The following ABTB2 variants were observed in gnomAD, a reference collection of about 807,000 sequenced individuals.
ABTB2 encodes ankyrin repeat and BTB domain containing 2.
Under a neutral mutation model 104.1 loss-of-function variants are expected in ABTB2, and 56 were observed. The observed-to-expected ratio is 0.54, with a 90% CI of 0.43 to 0.67. The LOEUF is 0.67. ABTB2 is among the 30% of genes least tolerant of loss of function. The pLI is 0.00. For missense variants in ABTB2, 1,279 were observed against 1,407.7 expected, an observed-to-expected ratio of 0.91 and a Z score of 1.46; for synonymous variants, 606 against 608.2, an observed-to-expected ratio of 1.00 and a Z score of 0.05.
At chr11:34,179,140 T>C (rs1428902499) in intron 3 of ABTB2, among the ~76,000 whole-genome samples, 1 of 151,918 alleles carries the variant, frequency 6.6e-6, no homozygotes, top group Non-Finnish European at 1.5e-5. Context: ...ATGTGTGTTA[T>C]TCTACGGATA....
intron 5 of ABTB2, among the ~76,000 whole-genome samples, chr11:34,169,962 C>T (rs945649605): frequency 5.3e-5 from 8 of 152,224 alleles, no homozygotes; most frequent in African/African-American, 9.6e-5. Flanking sequence ...TGCATTGTGC[C>T]GTCACCTCAT....
intron 1 of ABTB2, among the ~76,000 whole-genome samples, chr11:34,325,486 G>A (rs534397920): frequency 6.6e-6 from 1 of 152,282 alleles, no homozygotes; most frequent in South Asian, 2.1e-4. Context: ...GATAATCATA[G>A]CACCAACATC....
intron 3 of ABTB2, among the ~76,000 whole-genome samples, chr11:34,187,274 T>C (rs980746330): frequency 6.6e-6 from 1 of 152,210 alleles, no homozygotes; most frequent in Non-Finnish European, 1.5e-5. Flanking sequence ...ACATAGGCAC[T>C]ATGGCTAAAC....
chr11:34,263,851 C>A (rs1004738762), intron 1 of ABTB2, among the ~76,000 whole-genome samples: 1 of 152,162 alleles, frequency 6.6e-6, no homozygotes, highest in Non-Finnish European at 1.5e-5. Flanking sequence ...CAGGCCCGAC[C>A]CCAGTCCCCC....
chr11:34,208,196 C>G (rs1181156331), intron 1 of ABTB2, among the ~76,000 whole-genome samples: 1 of 152,182 alleles, frequency 6.6e-6, no homozygotes, highest in East Asian at 1.9e-4. Flanking sequence ...AAATTCCCAG[C>G]TCTAGCATAA....
chr11:34,249,344 G>C (rs1444290692), intron 1 of ABTB2, among the ~76,000 whole-genome samples: 1 of 152,182 alleles, frequency 6.6e-6, no homozygotes, highest in Non-Finnish European at 1.5e-5. Context: ...TAATGAAAAA[G>C]TTGGCAAGAA....
chr11:34,222,779 C>T (rs974435114), intron 1 of ABTB2, among the ~76,000 whole-genome samples: 30 of 152,322 alleles, frequency 2.0e-4, no homozygotes, highest in Admixed American at 1.2e-3. Context: ...AGGCCTACCC[C>T]GAAGGAGTCC....
At chr11:34,266,726 C>A (rs572135182) in intron 1 of ABTB2, among the ~76,000 whole-genome samples, 1 of 152,110 alleles carries the variant, frequency 6.6e-6, no homozygotes, top group Non-Finnish European at 1.5e-5. Flanking sequence ...AATTTTAATA[C>A]GCTACTGTGC....
At chr11:34,162,852 C>T (rs1410485050) in intron 9 of ABTB2, 47 bp from the exon 10 acceptor site, 13 of 1,527,140 alleles carry the variant, frequency 8.5e-6, no homozygotes, top group South Asian at 1.2e-5. Context: ...GTCCCACAGG[C>T]AGTGCCCACC....
chr11:34,162,862 C>A, intron 9 of ABTB2, 57 bp from the exon 10 acceptor site: 2 of 1,493,920 alleles, frequency 1.3e-6, no homozygotes, highest in African/African-American at 1.4e-5. Flanking sequence ...CAGTGCCCAC[C>A]TGAGCTGTCC....
chr11:34,320,490 C>T (rs1219430107), intron 1 of ABTB2, among the ~76,000 whole-genome samples: 2 of 152,178 alleles, frequency 1.3e-5, no homozygotes, highest in Non-Finnish European at 2.9e-5. Flanking sequence ...TCAATGCCTC[C>T]ACAGGTGTAC....
At chr11:34,312,157 A>G (rs868464559) in intron 1 of ABTB2, among the ~76,000 whole-genome samples, 33 of 148,108 alleles carry the variant, frequency 2.2e-4, no homozygotes, top group Middle Eastern at 3.2e-3. Flanking sequence ...AAAAAAAAAG[A>G]AAAAGAAAAA....
At chr11:34,166,860 C>T (rs1016298144) in intron 7 of ABTB2, among the ~76,000 whole-genome samples, 4 of 152,288 alleles carry the variant, frequency 2.6e-5, no homozygotes, top group Non-Finnish European at 5.9e-5. Context: ...TGCACAGACC[C>T]CATGATATAG....
In ABTB2 at chr11:34,357,509, G is replaced by T. The variant is rs1361768812; in HGVS notation, c.75C>A (p.Asp25Glu). ...ACGAGAGGCTGAGCGAGCGGCACGA[G>T]TCCCCGGCCCCATACCCGGAGTCCA... ...LTLDSGYGAGDSCRSLSLSSS... is the reference protein window; with the variant it reads ...LTLDSGYGAGESCRSLSLSSS... Residue 25 changes from aspartate to glutamate, a missense_variant, in exon 1 of 17, where the codon GAC becomes GAA. Physicochemically the swap from Asp to Glu is conservative, Grantham distance 45. Coordinates refer to ENST00000435224, the MANE Select transcript of ABTB2 (RefSeq NM_145804.3). The T allele has an allele frequency of 6.5e-7, 1 of 1,541,128 alleles. No individual in the cohort carries two copies. The highest frequency in any genetic ancestry group is 2.0e-5 in the Admixed American group (1 of 50,994).
chr11:34,157,050 C>T (rs1342903733), intron 14 of ABTB2, among the ~76,000 whole-genome samples: 1 of 152,196 alleles, frequency 6.6e-6, no homozygotes, highest in Non-Finnish European at 1.5e-5. Flanking sequence ...CACCCCCACC[C>T]CACCCCGCCT....
chr11:34,167,893 G>T lies in ABTB2; in HGVS notation c.1653+10C>A, dbSNP rs1483634940. The T allele has an allele frequency of 6.2e-7, 1 of 1,613,926 alleles. No homozygotes were observed. The highest frequency in any genetic ancestry group is 1.7e-5 in the Admixed American group (1 of 60,024). Reference sequence around the variant, plus strand: ...TAGGGCCTGGGTGCAGCTCTGTGGGGCTTCCTCACCTGGATGTCCAAGTTT... The same window carrying T: ...TAGGGCCTGGGTGCAGCTCTGTGGGTCTTCCTCACCTGGATGTCCAAGTTT... On this transcript the variant is annotated intron_variant, in intron 6 of 16. Coordinates refer to ENST00000435224, the MANE Select transcript of ABTB2 (RefSeq NM_145804.3).
chr11:34,335,113 G>A (rs756790760), intron 1 of ABTB2: 6 of 1,166,926 alleles, frequency 5.1e-6, no homozygotes, highest in East Asian at 4.8e-5. Context: ...GGACATTTCC[G>A]CTAATTTCCA....
chr11:34,337,580 GCTA>G (rs1471365451), intron 1 of ABTB2, among the ~76,000 whole-genome samples: 2 of 152,174 alleles, frequency 1.3e-5, no homozygotes, highest in Admixed American at 6.5e-5. Context: ...CGCTGGCTCT[GCTA>G]CTTGTGTGTA....
At chr11:34,308,882 A>AAAAAAAAAAAAAAAG (rs1252511057) in intron 1 of ABTB2, among the ~76,000 whole-genome samples, 2 of 150,826 alleles carry the variant, frequency 1.3e-5, no homozygotes, top group Admixed American at 6.6e-5. Flanking sequence ...AAAAAAAAAA[A>AAAAAAAAAAAAAAAG]AAAAAGAAAA....
Sources: allele counts gnomAD v4.1 joint callset (sites outside exome capture counted in the v4.1 genomes callset), GRCh38; gene constraint gnomAD v4.1.1; transcripts MANE v1.5; gene names NCBI Gene and HGNC (gene_info 2026-07-23, HGNC 2026-07-21).